Variants in PAPOLG observed in about 807,000 individuals in gnomAD.
The protein encoded by PAPOLG is PAP-gamma.
A neutral mutation model predicts 99.0 loss-of-function variants in PAPOLG; 40 were observed. The ratio of observed to expected loss-of-function variants is 0.40; its 90% CI spans 0.31 to 0.53. The LOEUF (loss-of-function observed/expected upper bound fraction) is 0.53. Ranked by LOEUF, PAPOLG falls within the 20% of genes least tolerant of loss-of-function variation. The pLI is 0.41. For synonymous variants in PAPOLG, 310 were observed against 299.3 expected (o/e 1.04, Z -0.37); for missense variants, 675 against 884.1 (o/e 0.76, Z 3.00).
At chr2:60,761,662 G>A in intron 2 of PAPOLG, 79 bp from the exon 3 acceptor site, 1 of 1,219,090 alleles carries the variant, frequency 8.2e-7, no homozygotes, top group Non-Finnish European at 1.2e-6. Flanking sequence ...AACACAAAGG[G>A]TACTGCCTAT....
intron 7 of PAPOLG, 88 bp downstream of exon 7, chr2:60,771,718 G>C: frequency 7.2e-7 from 1 of 1,395,096 alleles, no homozygotes; most frequent in South Asian, 1.3e-5. Context: ...ATTCAGTTTT[G>C]GAGATTGGAC....
intron 19 of PAPOLG, 78 bp downstream of exon 19, chr2:60,794,269 T>A: frequency 1.4e-6 from 2 of 1,387,762 alleles, no homozygotes; most frequent in Non-Finnish European, 1.9e-6. Flanking sequence ...TTTCCATAGC[T>A]GTTGGTGTTC....
chr2:60,775,260 T>G (rs1670982247), intron 8 of PAPOLG, 137 bp downstream of exon 8: 1 of 1,071,288 alleles, frequency 9.3e-7, no homozygotes, highest in South Asian at 1.7e-5. Context: ...AATAGCTATT[T>G]GCTTTTCAAG....
intron 15 of PAPOLG, 127 bp from the exon 16 acceptor site, chr2:60,791,634 T>G: frequency 2.8e-6 from 3 of 1,066,454 alleles, no homozygotes; most frequent in South Asian, 3.5e-5. Context: ...TGTGAGAGGG[T>G]TGTGGGTGGG....
chr2:60,795,469 C>T (rs1049717803), intron 21 of PAPOLG: 1 of 197,910 alleles, frequency 5.1e-6, no homozygotes, highest in African/African-American at 2.4e-5. Flanking sequence ...ATGAGCTAAA[C>T]GCCCCTAAAT....
rs1292161523 is a variant in PAPOLG at position 60,799,825 on chromosome 2, A to T, written c.*2665A>T. ...TTTTTAGTACAGACAGCGTTTCACC[A>T]TGTTGGCCAGGCTGGTCTCGAACTT... is the stretch of plus-strand genomic sequence containing the variant. On this transcript the variant is annotated 3_prime_UTR_variant, in exon 22 of 22. Coordinates refer to ENST00000238714, the MANE Select transcript of PAPOLG (RefSeq NM_022894.4). 1 of 152,040 alleles carries T rather than the reference A, an allele frequency of 6.6e-6. No individual in the cohort carries two copies. The highest frequency in any genetic ancestry group is 2.4e-5 in the African/African-American group (1 of 41,390). 9.4% of individuals were successfully genotyped at this position (152,040 alleles called of 1,614,324 possible). A position where few individuals can be genotyped will look rare whatever the true frequency, so the allele number is the denominator to read the frequency against.
In PAPOLG at chr2:60,760,285, T is replaced by G; in HGVS notation, c.169T>G (p.Leu57Val). 2 of 1,612,212 alleles carry G rather than the reference T, an allele frequency of 1.2e-6. No homozygotes were observed. The highest frequency in any genetic ancestry group is 8.5e-7 in the Non-Finnish European group (1 of 1,178,702). ...TGGAGTGTTTGAAGATGAGGAAGAA[T>G]TGAACCACAGGTATGTCATTGAAAA... ...PFGVFEDEEE[L>V]NHRLVVLGKL... The change falls in exon 2 of 22, where the codon TTG becomes GTG. Residue 57 changes from leucine (L) to valine (V), a missense_variant. Coordinates refer to ENST00000238714, the MANE Select transcript of PAPOLG (RefSeq NM_022894.4).
At chr2:60,790,710 C>A (rs556539091) in intron 15 of PAPOLG, among the ~76,000 whole-genome samples, 1 of 152,170 alleles carries the variant, frequency 6.6e-6, no homozygotes, top group African/African-American at 2.4e-5. Context: ...GTCTGTCATT[C>A]TATGATTGGT....
intron 7 of PAPOLG, 96 bp downstream of exon 7, chr2:60,771,726 G>A: frequency 7.5e-7 from 1 of 1,337,018 alleles, no homozygotes; most frequent in Non-Finnish European, 1.0e-6. Flanking sequence ...TTGGAGATTG[G>A]ACTCAGTTTA....
intron 10 of PAPOLG, among the ~76,000 whole-genome samples, chr2:60,781,180 A>C (rs1397601001): frequency 1.3e-5 from 2 of 151,758 alleles, no homozygotes; most frequent in Non-Finnish European, 2.9e-5. Context: ...ACGTGGTGAA[A>C]CCCCCTCTCT....
At chr2:60,780,650 T>G in intron 9 of PAPOLG, 57 bp from the exon 10 acceptor site, 1 of 1,521,200 alleles carries the variant, frequency 6.6e-7, no homozygotes, top group Admixed American at 1.7e-5. Flanking sequence ...ATTATAAAGT[T>G]TCATGTAGTA....
At chr2:60,762,837 G>T (rs1326279848) in intron 3 of PAPOLG, among the ~76,000 whole-genome samples, 1 of 152,006 alleles carries the variant, frequency 6.6e-6, no homozygotes, top group Non-Finnish European at 1.5e-5. Flanking sequence ...ATGTTGACCA[G>T]GCTGGTCTCG....
Position 60,792,276 on chromosome 2 carries a change from G to A in PAPOLG, c.1666G>A (p.Gly556Arg). Residue 556 changes from glycine to arginine, a missense_variant, in exon 17 of 22, where the codon GGA (glycine) becomes AGA (arginine). Gly to Arg is a moderately radical substitution (Grantham distance 125, BLOSUM62 -2). Transcript: ENST00000238714. ...PASKSDSPSVGETERNSAEPA... is the reference protein window; with the variant it reads ...PASKSDSPSVRETERNSAEPA... ...GTCCAAGTCTGATAGCCCTTCTGTA[G>A]GAGAAACAGAAAGGTCTGTCTTTAT... is the stretch of plus-strand genomic sequence containing the variant. The A allele has an allele frequency of 6.2e-7, 1 of 1,601,706 alleles. No individual in the cohort carries two copies. Among genetic ancestry groups the A allele is most frequent in the African/African-American group, 1.3e-5 (1 of 74,152 alleles).
At chr2:60,783,125 T>G in intron 12 of PAPOLG, 31 bp from the exon 13 acceptor site, 1 of 1,533,780 alleles carries the variant, frequency 6.5e-7, no homozygotes. Context: ...TTTCTGGCTT[T>G]TTTTCCTGAT....
chr2:60,756,558 G>C, intron 1 of PAPOLG, 63 bp downstream of exon 1: 7 of 1,518,218 alleles, frequency 4.6e-6, no homozygotes, highest in Non-Finnish European at 6.2e-6. Context: ...TGGTCCGACT[G>C]TGTCCTTGTT....
intron 10 of PAPOLG, 68 bp from the exon 11 acceptor site, chr2:60,781,817 T>G: frequency 5.0e-6 from 8 of 1,595,734 alleles, no homozygotes; most frequent in Non-Finnish European, 6.9e-6. Context: ...CTTCAGACTT[T>G]TGGGGAAATG....
chr2:60,771,791 C>T (rs896210401), intron 7 of PAPOLG, among the ~76,000 whole-genome samples, 161 bp downstream of exon 7: 1 of 152,072 alleles, frequency 6.6e-6, no homozygotes, highest in South Asian at 2.1e-4. Flanking sequence ...TCCTAAAAAC[C>T]ACAAATTTAT....
intron 3 of PAPOLG, among the ~76,000 whole-genome samples, chr2:60,763,185 TC>T (rs766865014): frequency 2.0e-5 from 3 of 151,998 alleles, no homozygotes; most frequent in Non-Finnish European, 4.4e-5. Flanking sequence ...CAAGTGATCC[TC>T]CCACCTCAGC....
At chr2:60,773,348 CTTTA>C (rs779175975) in intron 7 of PAPOLG, among the ~76,000 whole-genome samples, 19 of 152,278 alleles carry the variant, frequency 1.2e-4, no homozygotes, top group Non-Finnish European at 1.8e-4. Flanking sequence ...CACTAATCTG[CTTTA>C]TTTCTTTGTA....
Sources: gnomAD v4.1 joint callset for allele counts (sites outside exome capture counted in the v4.1 genomes callset) on GRCh38, gnomAD v4.1.1 for gene constraint, MANE v1.5 for transcripts, NCBI Gene and HGNC (gene_info 2026-07-23, HGNC 2026-07-21) for gene names.